Variants in ATXN1 observed in about 807,000 individuals in gnomAD.
ATXN1 encodes the protein ataxin 1.
Under a neutral mutation model 56.4 loss-of-function variants are expected in ATXN1, and 8 were observed. The ratio of observed to expected loss-of-function variants is 0.14; its 90% CI spans 0.08 to 0.26. The LOEUF (loss-of-function observed/expected upper bound fraction) is 0.26. Among genes scored for constraint, ATXN1 ranks in the 10% least tolerant of loss-of-function variants. The pLI is 1.00. For missense variants in ATXN1, 987 were observed against 1,106.5 expected, an observed-to-expected ratio of 0.89 and a Z score of 1.53; for synonymous variants, 514 against 494.6, an observed-to-expected ratio of 1.04 and a Z score of -0.52.
chr6:16,439,211 G>A (rs1184071885), intron 6 of ATXN1, among the ~76,000 whole-genome samples: 1 of 151,662 alleles, frequency 6.6e-6, no homozygotes, highest in African/African-American at 2.4e-5. Context: ...AAAGCAGAGA[G>A]TTCCTTTATA....
At chr6:16,406,189 G>A (rs1259310538) in intron 6 of ATXN1, among the ~76,000 whole-genome samples, 2 of 152,036 alleles carry the variant, frequency 1.3e-5, no homozygotes, top group Non-Finnish European at 2.9e-5. Context: ...GTTAAAATGA[G>A]AGACTAAAAA....
At chr6:16,714,111 C>T (rs1055312290) in intron 2 of ATXN1, among the ~76,000 whole-genome samples, 3 of 151,426 alleles carry the variant, frequency 2.0e-5, no homozygotes, top group Admixed American at 1.3e-4. Flanking sequence ...GCCAAGATCA[C>T]ACCACTCCAT....
chr6:16,604,324 CA>C (rs57547112), intron 3 of ATXN1, among the ~76,000 whole-genome samples: 60,966 of 111,910 alleles, frequency 0.54, 14,206 homozygotes, highest in South Asian at 0.7. Flanking sequence ...AACTCTGTCT[CA>C]AAAAAAAAAA....
chr6:16,554,490 C>A (rs1004135997), intron 4 of ATXN1, among the ~76,000 whole-genome samples: 4 of 152,148 alleles, frequency 2.6e-5, no homozygotes, highest in Non-Finnish European at 1.5e-5. Flanking sequence ...TGGTTCTTGT[C>A]GCCCAGGCTG....
intron 4 of ATXN1, among the ~76,000 whole-genome samples, chr6:16,549,563 T>C (rs554442898): frequency 6.6e-6 from 1 of 152,168 alleles, no homozygotes; most frequent in African/African-American, 2.4e-5. Context: ...ATACCACCGA[T>C]GCCCCAGGTT....
intron 6 of ATXN1, among the ~76,000 whole-genome samples, chr6:16,367,549 C>T (rs1300642933): frequency 3.3e-5 from 5 of 152,168 alleles, no homozygotes; most frequent in African/African-American, 1.2e-4. Flanking sequence ...CAAATTTTCC[C>T]AGAAACATGC....
intron 2 of ATXN1, among the ~76,000 whole-genome samples, chr6:16,703,795 G>A (rs1361259354): frequency 6.6e-6 from 1 of 152,184 alleles, no homozygotes; most frequent in Non-Finnish European, 1.5e-5. Flanking sequence ...CGAGGCGGGT[G>A]GATCACCTGA....
intron 2 of ATXN1, among the ~76,000 whole-genome samples, chr6:16,742,334 G>A (rs1731970724): frequency 6.6e-6 from 1 of 152,150 alleles, no homozygotes; most frequent in South Asian, 2.1e-4. Flanking sequence ...TCTCTAGTCT[G>A]GGTTGCAGTG....
chr6:16,635,501 G>A (rs1763579929), intron 3 of ATXN1, among the ~76,000 whole-genome samples: 2 of 152,222 alleles, frequency 1.3e-5, no homozygotes, highest in South Asian at 4.1e-4. Context: ...CTTACACACT[G>A]CCCAGAAACT....
chr6:16,447,333 T>C (rs1266955251), intron 6 of ATXN1, among the ~76,000 whole-genome samples: 2 of 152,188 alleles, frequency 1.3e-5, no homozygotes, highest in African/African-American at 2.4e-5. Context: ...CAAACTATTC[T>C]CCTGCCTCAG....
chr6:16,566,402 C>G lies in ATXN1; in HGVS notation c.-361+19378G>C, dbSNP rs953079615. Among the ~76,000 whole-genome samples the G allele has an allele frequency of 4.6e-5, 7 of 152,098 alleles. No individual in the cohort carries two copies. The South Asian group carries it at 6.2e-4, about 14-fold the overall frequency. On this transcript the variant is annotated intron_variant, in intron 4 of 7. Transcript: ENST00000436367. Reference sequence around the variant, plus strand: ...TGGCATTTTACAACTCTGGATTCCCCCAAACTCCTGCAGCATTGGTGTAAC... The same window carrying G: ...TGGCATTTTACAACTCTGGATTCCCGCAAACTCCTGCAGCATTGGTGTAAC...
chr6:16,514,181 A>G (rs1255720825), intron 5 of ATXN1, among the ~76,000 whole-genome samples: 1 of 152,172 alleles, frequency 6.6e-6, no homozygotes, highest in Non-Finnish European at 1.5e-5. Flanking sequence ...CCTCTCGCCC[A>G]TCAAACAGCT....
chr6:16,484,705 A>G (rs952122760), intron 6 of ATXN1, among the ~76,000 whole-genome samples: 1 of 152,170 alleles, frequency 6.6e-6, no homozygotes, highest in Non-Finnish European at 1.5e-5. Context: ...TCATATTAAT[A>G]TTACTGATTA....
intron 6 of ATXN1, among the ~76,000 whole-genome samples, chr6:16,405,159 C>G (rs1050905653): frequency 1.3e-5 from 2 of 152,188 alleles, no homozygotes; most frequent in African/African-American, 2.4e-5. Context: ...CCTCAGCACA[C>G]ACGACAGAAA....
intron 4 of ATXN1, among the ~76,000 whole-genome samples, chr6:16,571,978 CA>C (rs927316851): frequency 1.3e-5 from 2 of 151,994 alleles, no homozygotes; most frequent in African/African-American, 4.8e-5. Context: ...CTAAATTCTA[CA>C]AAAAAACATG....
At chr6:16,583,451 G>C (rs1487686811) in intron 4 of ATXN1, among the ~76,000 whole-genome samples, 2 of 152,152 alleles carry the variant, frequency 1.3e-5, no homozygotes, top group African/African-American at 4.8e-5. Flanking sequence ...TAAAGCATGC[G>C]TTTCCTAAGA....
At chr6:16,742,029 G>A (rs1760357223) in intron 2 of ATXN1, among the ~76,000 whole-genome samples, 1 of 152,180 alleles carries the variant, frequency 6.6e-6, no homozygotes, top group Non-Finnish European at 1.5e-5. Flanking sequence ...GGGCTTAGAT[G>A]CCATCACCAT....
At chr6:16,727,081 T>C (rs900543846) in intron 2 of ATXN1, among the ~76,000 whole-genome samples, 2 of 152,204 alleles carry the variant, frequency 1.3e-5, no homozygotes, top group Non-Finnish European at 2.9e-5. Flanking sequence ...GTGCCTGCTC[T>C]GGTGTTACTA....
chr6:16,509,710 T>C (rs1761046827), intron 5 of ATXN1, among the ~76,000 whole-genome samples: 1 of 152,206 alleles, frequency 6.6e-6, no homozygotes, highest in African/African-American at 2.4e-5. Flanking sequence ...GATGAATCTT[T>C]CTAAACTGCA....
Sources: allele counts gnomAD v4.1 joint callset (sites outside exome capture counted in the v4.1 genomes callset), GRCh38; gene constraint gnomAD v4.1.1; transcripts MANE v1.5; gene names NCBI Gene and HGNC (gene_info 2026-07-23, HGNC 2026-07-21).